Variants in GNAS-AS1 observed in about 807,000 individuals in gnomAD.
GNAS-AS1 encodes GNAS antisense RNA 1.
intron 4 of GNAS-AS1, among the ~76,000 whole-genome samples, chr20:58,820,655 T>C (rs2085479753): frequency 6.6e-6 from 1 of 152,238 alleles, no homozygotes; most frequent in African/African-American, 2.4e-5. Flanking sequence ...GGACTTACAG[T>C]TCCATGTGAC....
At chr20:58,847,003 C>G (rs548579655) in intron 2 of GNAS-AS1, among the ~76,000 whole-genome samples, 11 of 152,268 alleles carry the variant, frequency 7.2e-5, no homozygotes, top group African/African-American at 2.6e-4. Flanking sequence ...GCCTCTCCTC[C>G]CCTGAAATTC....
In GNAS-AS1 at chr20:58,830,568, CCACCA is replaced by C; in HGVS notation, n.820-11318_820-11314del. ...ACCACCATCACCACCACCATCACCA[CCACCA>C]CACCACCACCACCACAATCACCACC... On this transcript the variant is annotated intron_variant and non_coding_transcript_variant, in intron 4 of 4. Coordinates refer to ENST00000424094, the Ensembl canonical transcript of GNAS-AS1. Among the ~76,000 whole-genome samples, 10 of 132,882 alleles carry C rather than the reference CCACCA, an allele frequency of 7.5e-5. 1 individual carries two copies. Among genetic ancestry groups the C allele is most frequent in the East Asian group, 2.3e-4 (1 of 4,318 alleles). The allele number at this position is 132,882 out of a possible 152,430, so 87.2% of individuals were successfully genotyped here.
intron 4 of GNAS-AS1, among the ~76,000 whole-genome samples, chr20:58,820,679 C>A (rs931790590): frequency 6.6e-6 from 1 of 152,252 alleles, no homozygotes; most frequent in Non-Finnish European, 1.5e-5. Context: ...GGAAGCCCCA[C>A]AATCATGGCA....
chr20:58,822,177 A>G (rs751266122), intron 4 of GNAS-AS1, among the ~76,000 whole-genome samples: 2 of 152,234 alleles, frequency 1.3e-5, no homozygotes, highest in African/African-American at 2.4e-5. Flanking sequence ...TTCCAGACCA[A>G]TGTCACAGCA....
exon 5 of GNAS-AS1, chr20:58,818,992 A>G: frequency 2.5e-6 from 1 of 398,552 alleles, no homozygotes; most frequent in Non-Finnish European, 4.4e-6. Flanking sequence ...ATTCTAATGG[A>G]CATGTGCAGA....
intron 2 of GNAS-AS1, among the ~76,000 whole-genome samples, chr20:58,848,134 G>A (rs2086006244): frequency 6.6e-6 from 1 of 152,232 alleles, no homozygotes; most frequent in Admixed American, 6.5e-5. Flanking sequence ...AGAGTTTAAT[G>A]GAAGCATGAG....
At chr20:58,832,472 T>C (rs531587040) in intron 4 of GNAS-AS1, among the ~76,000 whole-genome samples, 6 of 152,304 alleles carry the variant, frequency 3.9e-5, no homozygotes, top group East Asian at 1.9e-4. Flanking sequence ...TAAATTCATA[T>C]AGAAAAATAA....
At chr20:58,836,964 A>AT (rs1369566118) in intron 4 of GNAS-AS1, among the ~76,000 whole-genome samples, 1 of 152,164 alleles carries the variant, frequency 6.6e-6, no homozygotes, top group Non-Finnish European at 1.5e-5. Context: ...TGTAATGCAC[A>AT]TTTTTTAATA....
In GNAS-AS1 at chr20:58,840,171, C is replaced by T. The variant is rs1213709878; in HGVS notation, n.819+1766G>A. 1.4e-5 allele frequency: 22 copies of T among 1,611,542 alleles called. No individual in the cohort carries two copies. Among genetic ancestry groups the T allele is most frequent in the African/African-American group, 5.3e-5 (4 of 74,920 alleles). On this transcript the variant is annotated intron_variant and non_coding_transcript_variant, in intron 4 of 4. Coordinates refer to ENST00000424094, the Ensembl canonical transcript of GNAS-AS1. This position sits in a 1 kb window ranked among gnomAD's most constrained non-coding sequence, Gnocchi z 6.0. ...CGCCATAATTACAACGACCTGTGCC[C>T]GCCCATAGGCCGCCGGGCAGCCACC...
At chr20:58,837,843 G>A (rs1206593356) in intron 4 of GNAS-AS1, among the ~76,000 whole-genome samples, 1 of 152,214 alleles carries the variant, frequency 6.6e-6, no homozygotes, top group Non-Finnish European at 1.5e-5. Flanking sequence ...CAAAGCAGTT[G>A]CTGGTCTCTC....
At position 58,830,339 on chromosome 20, in the gene GNAS-AS1, T is replaced by TCACCAC. The variant is rs1313987176; in HGVS notation, n.820-11090_820-11085dup. On this transcript the variant is annotated intron_variant and non_coding_transcript_variant, in intron 4 of 4. Coordinates refer to ENST00000424094, the Ensembl canonical transcript of GNAS-AS1. ...CACACCATCATCATCACCACCACCA[T>TCACCAC]CACCACCACACCACCATCACCACCA... 3.2e-4 allele frequency among the ~76,000 whole-genome samples: 9 copies of TCACCAC among 28,222 alleles called. 1 individual carries two copies. The highest frequency in any genetic ancestry group is 6.4e-4 in the Non-Finnish European group (9 of 14,072). The allele number at this position is 28,222 out of a possible 152,430, so 18.5% of individuals were successfully genotyped here. A position where few individuals can be genotyped will look rare whatever the true frequency, so the allele number is the denominator to read the frequency against.
chr20:58,830,637 A>AT (rs1322898017), intron 4 of GNAS-AS1, among the ~76,000 whole-genome samples: 7 of 91,386 alleles, frequency 7.7e-5, no homozygotes, highest in East Asian at 3.2e-4. Context: ...CACCACCGCC[A>AT]CACCACCACA....
chr20:58,820,406 C>T lies in GNAS-AS1; in HGVS notation n.820-1151G>A, dbSNP rs527844586. Among the ~76,000 whole-genome samples the T allele has an allele frequency of 2.2e-4, 34 of 152,310 alleles. No individual in the cohort carries two copies. In the South Asian group the frequency reaches 4.3e-3, roughly 19 times the overall value. On this transcript the variant is annotated intron_variant and non_coding_transcript_variant, in intron 4 of 4. Coordinates refer to ENST00000424094, the Ensembl canonical transcript of GNAS-AS1. ...CATACCTGGCACCTGGACACCTACC[C>T]GAGGGAGCTCTCCAAGGGTGCCCCA...
At chr20:58,850,052 T>C (rs2086095439) in intron 1 of GNAS-AS1, among the ~76,000 whole-genome samples, 1 of 152,278 alleles carries the variant, frequency 6.6e-6, no homozygotes, top group Admixed American at 6.5e-5. Context: ...AGGTGGCCAG[T>C]TGTGTTTACC....
chr20:58,833,900 G>A (rs1175927498), intron 4 of GNAS-AS1: 1 of 152,232 alleles, frequency 6.6e-6, no homozygotes, highest in African/African-American at 2.4e-5. Context: ...ACAGTGCCCA[G>A]ATTCATTTGC....
chr20:58,843,227 C>T (rs1415345617), intron 2 of GNAS-AS1: 3 of 139,424 alleles, frequency 2.2e-5, no homozygotes, highest in Admixed American at 7.4e-5. Context: ...CCGCTCAATT[C>T]CCCTCCCCCA....
In GNAS-AS1 at chr20:58,824,992, C is replaced by G. The variant is rs576851505; in HGVS notation, n.820-5737G>C. On this transcript the variant is annotated intron_variant and non_coding_transcript_variant, in intron 4 of 4. Transcript: ENST00000424094. ...ATGCCAGCAGGAAGTGAGAAGTGCC[C>G]GGGCTCATCTCGCTGGGGCTTGGGA... Among the ~76,000 whole-genome samples the G allele has an allele frequency of 8.5e-5, 13 of 152,254 alleles. No individual in the cohort carries two copies. In the East Asian group the frequency reaches 2.3e-3, roughly 27 times the overall value.
intron 4 of GNAS-AS1, among the ~76,000 whole-genome samples, chr20:58,824,337 G>GA: frequency 6.6e-6 from 1 of 152,358 alleles, no homozygotes; most frequent in South Asian, 2.1e-4. Context: ...ATACACATGT[G>GA]AAAAATTGTT....
chr20:58,837,241 G>A (rs1600649723), intron 4 of GNAS-AS1, among the ~76,000 whole-genome samples: 2 of 152,236 alleles, frequency 1.3e-5, no homozygotes, highest in East Asian at 3.9e-4. Flanking sequence ...ATGGAGCTGT[G>A]CTAATTAGAA....
Sources: allele counts gnomAD v4.1 joint callset (sites outside exome capture counted in the v4.1 genomes callset), GRCh38; gene constraint gnomAD v4.1.1; non-coding constraint Gnocchi (gnomAD v3.1); transcripts MANE v1.5; gene names NCBI Gene and HGNC (gene_info 2026-07-23, HGNC 2026-07-21).